BRD10: variants seen among roughly 807,000 people sequenced by gnomAD.
BRD10 encodes uncharacterized bromodomain-containing protein 10.
the BRD10 span, among the ~76,000 whole-genome samples, chr9:5,989,086 C>T: frequency 8.8e-4 from 134 of 151,754 alleles, no homozygotes; most frequent in Middle Eastern, 3.4e-3. Flanking sequence ...CAAAATTAGC[C>T]GGGCGCGGTG....
chr9:5,887,162 G>A, the BRD10 span, among the ~76,000 whole-genome samples: 1 of 152,170 alleles, frequency 6.6e-6, no homozygotes, highest in Admixed American at 6.5e-5. Flanking sequence ...AGGAGGCTGA[G>A]GCAGGAGAAT....
At chr9:5,919,792 G>C in the BRD10 span, 72 of 1,613,834 alleles carry the variant, frequency 4.5e-5, 2 homozygotes, top group South Asian at 6.7e-4. Flanking sequence ...GAGATGGAGA[G>C]AGTGAAGAAA....
the BRD10 span, among the ~76,000 whole-genome samples, chr9:5,933,251 C>A: frequency 6.6e-6 from 1 of 152,152 alleles, no homozygotes; most frequent in Non-Finnish European, 1.5e-5. Context: ...AGAATTTTCA[C>A]TATTTTCATA....
chr9:5,987,783 A>G, the BRD10 span, among the ~76,000 whole-genome samples: 3 of 152,228 alleles, frequency 2.0e-5, no homozygotes, highest in Non-Finnish European at 4.4e-5. Flanking sequence ...GTATAGAAAC[A>G]TCAGTGTCAC....
chr9:5,936,627 C>G, the BRD10 span, among the ~76,000 whole-genome samples: 4 of 152,084 alleles, frequency 2.6e-5, no homozygotes, highest in African/African-American at 9.7e-5. Flanking sequence ...TCTACAGAGT[C>G]TAGTAAGATG....
chr9:5,908,262 T>C, the BRD10 span, among the ~76,000 whole-genome samples: 1 of 152,242 alleles, frequency 6.6e-6, no homozygotes, highest in Non-Finnish European at 1.5e-5. Context: ...TTATATTTGG[T>C]AGTATCAATG....
At chr9:5,901,015 G>C in the BRD10 span, among the ~76,000 whole-genome samples, 1 of 152,074 alleles carries the variant, frequency 6.6e-6, no homozygotes, top group Non-Finnish European at 1.5e-5. Flanking sequence ...ATCTCTGGTG[G>C]TGGGATTCAG....
the BRD10 span, chr9:6,008,104 T>C: frequency 3.1e-6 from 3 of 982,220 alleles, no homozygotes; most frequent in East Asian, 1.2e-4. Context: ...CCGCCTGCTC[T>C]TCACCGGCCA....
the BRD10 span, chr9:6,007,195 C>T: frequency 2.5e-6 from 4 of 1,610,864 alleles, no homozygotes; most frequent in Non-Finnish European, 3.4e-6. Context: ...GCTCGCTTAC[C>T]GAGAGAGAAG....
At chr9:5,961,576 T>C in the BRD10 span, among the ~76,000 whole-genome samples, 1 of 152,116 alleles carries the variant, frequency 6.6e-6, no homozygotes, top group Admixed American at 6.6e-5. Flanking sequence ...TGAAAACAGG[T>C]CATCAAGGAA....
chr9:5,987,449 C>T, the BRD10 span, among the ~76,000 whole-genome samples: 1 of 152,086 alleles, frequency 6.6e-6, no homozygotes, highest in African/African-American at 2.4e-5. Context: ...TTAATCTTTA[C>T]CCCTTTCCAT....
At chr9:5,968,162 T>C in the BRD10 span, 1 of 1,600,108 alleles carries the variant, frequency 6.2e-7, no homozygotes, top group Non-Finnish European at 8.5e-7. Flanking sequence ...TTTCAATTTC[T>C]TTTTTTTCTT....
chr9:5,886,244 C>T, the BRD10 span, among the ~76,000 whole-genome samples: 2 of 152,174 alleles, frequency 1.3e-5, no homozygotes. Flanking sequence ...ATCTCTGGCC[C>T]CTTCATGAGG....
chr9:5,919,487 C>G, the BRD10 span: 1 of 535,796 alleles, frequency 1.9e-6, no homozygotes, highest in African/African-American at 1.9e-5. Flanking sequence ...TGGAACAGAT[C>G]TTTCCCTCCC....
the BRD10 span, chr9:5,922,963 T>C: frequency 1.2e-6 from 2 of 1,614,046 alleles, no homozygotes; most frequent in South Asian, 2.2e-5. Context: ...CAATATTCTT[T>C]GCAAGCAAAG....
At chr9:6,008,415 C>G in the BRD10 span, among the ~76,000 whole-genome samples, 5 of 152,068 alleles carry the variant, frequency 3.3e-5, no homozygotes, top group Non-Finnish European at 7.4e-5. Context: ...ACTCAGCCCC[C>G]CGGCTGGGAA....
the BRD10 span, among the ~76,000 whole-genome samples, chr9:6,005,478 C>T: frequency 6.6e-6 from 1 of 152,196 alleles, no homozygotes; most frequent in African/African-American, 2.4e-5. Flanking sequence ...GGACTCCAGC[C>T]TGGGCTACAG....
the BRD10 span, among the ~76,000 whole-genome samples, chr9:5,989,584 TG>T: frequency 6.7e-6 from 1 of 150,292 alleles, no homozygotes; most frequent in Non-Finnish European, 1.5e-5. Context: ...TCACCCAGGC[TG>T]GGGTGCAGTG....
the BRD10 span, chr9:5,954,072 C>CT: frequency 1.3e-6 from 2 of 1,556,260 alleles, no homozygotes; most frequent in Non-Finnish European, 1.7e-6. Context: ...TTTGTGATTG[C>CT]TTTTTTAGAG....
Sources: allele counts gnomAD v4.1 joint callset (sites outside exome capture counted in the v4.1 genomes callset), GRCh38; gene constraint gnomAD v4.1.1; transcripts MANE v1.5; gene names NCBI Gene and HGNC (gene_info 2026-07-23, HGNC 2026-07-21).